The following PAPPA variants were observed in gnomAD, a reference collection of about 807,000 sequenced individuals.
PAPPA encodes the protein pappalysin-1.
PAPPA carries 60 observed loss-of-function variants against 164.0 expected under a neutral mutation model. The observed-to-expected ratio is 0.37, with a 90% CI of 0.30 to 0.45. PAPPA has a LOEUF of 0.45. Ranked by LOEUF, PAPPA falls within the 20% of genes least tolerant of loss-of-function variation. The pLI is 1.00. For synonymous variants in PAPPA, 875 were observed against 814.1 expected, an observed-to-expected ratio of 1.07 and a Z score of -1.27; for missense variants, 1,782 against 2,087.3, an observed-to-expected ratio of 0.85 and a Z score of 2.85.
chr9:116,183,668 T>G (rs992193049), intron 1 of PAPPA, among the ~76,000 whole-genome samples: 1 of 152,208 alleles, frequency 6.6e-6, no homozygotes, highest in Non-Finnish European at 1.5e-5. Context: ...CAGGTAAATA[T>G]TTCCCTCTGA....
At position 116,341,123 on chromosome 9, in the gene PAPPA, C is replaced by T. The variant is rs373039835; in HGVS notation, c.3612-3420C>T. Among the ~76,000 whole-genome samples, 13 of 152,124 alleles carry T rather than the reference C, an allele frequency of 8.5e-5. No homozygotes were observed. In the South Asian group the frequency reaches 2.7e-3, roughly 32 times the overall value. ...TGGTGTAATCTTGTCTCACTGCAACCTCTGCCCTCCAGATTCAAGTGATTC... is the reference window on the plus strand; with the variant it reads ...TGGTGTAATCTTGTCTCACTGCAACTTCTGCCCTCCAGATTCAAGTGATTC... On this transcript the variant is annotated intron_variant, in intron 13 of 21. Coordinates refer to ENST00000328252, the MANE Select transcript of PAPPA (RefSeq NM_002581.5).
intron 10 of PAPPA, among the ~76,000 whole-genome samples, chr9:116,325,076 G>A (rs998803110): frequency 2.0e-5 from 3 of 152,186 alleles, no homozygotes; most frequent in East Asian, 1.9e-4. Context: ...AAGACTGGTC[G>A]TTGGTGCCCT....
intron 2 of PAPPA, among the ~76,000 whole-genome samples, chr9:116,196,068 AG>A (rs1361408120): frequency 6.6e-6 from 1 of 152,134 alleles, no homozygotes; most frequent in Non-Finnish European, 1.5e-5. Context: ...GAAGCTGGGA[AG>A]CCAGGAGGGT....
intron 21 of PAPPA, among the ~76,000 whole-genome samples, chr9:116,388,829 T>C (rs1846851211): frequency 6.6e-6 from 1 of 152,176 alleles, no homozygotes; most frequent in South Asian, 2.1e-4. Context: ...TTCATGCAAC[T>C]ATGTGTAGGG....
intron 5 of PAPPA, 141 bp downstream of exon 5, chr9:116,220,270 T>C (rs937345639): frequency 9.4e-6 from 5 of 532,328 alleles, no homozygotes; most frequent in Non-Finnish European, 1.6e-5. Context: ...ACCTAGCATG[T>C]TGTAAATTTG....
At chr9:116,313,891 G>A (rs114258614) in intron 10 of PAPPA, among the ~76,000 whole-genome samples, 3 of 152,084 alleles carry the variant, frequency 2.0e-5, no homozygotes, top group South Asian at 2.1e-4. Flanking sequence ...TTGAGATCTC[G>A]AGCAACTTAA....
chr9:116,301,386 GATAGAAATCTTTATAAA>G (rs1164657028), intron 9 of PAPPA, among the ~76,000 whole-genome samples: 1 of 152,194 alleles, frequency 6.6e-6, no homozygotes, highest in African/African-American at 2.4e-5. Context: ...TAAGTGTTAA[GATAGAAATCTTTATAAA>G]ATAGGCACCC....
chr9:116,360,135 C>G (rs564843268), intron 17 of PAPPA, among the ~76,000 whole-genome samples: 1 of 152,342 alleles, frequency 6.6e-6, no homozygotes, highest in Admixed American at 6.5e-5. Flanking sequence ...GTGCTGAGGT[C>G]TGCAGCCCTT....
intron 18 of PAPPA, among the ~76,000 whole-genome samples, chr9:116,365,315 C>T (rs1846485332): frequency 6.6e-6 from 1 of 152,142 alleles, no homozygotes; most frequent in African/African-American, 2.4e-5. Flanking sequence ...GTTGCTGCTG[C>T]TGCCACCAGG....
chr9:116,345,666 A>T (rs891647210), intron 14 of PAPPA, among the ~76,000 whole-genome samples: 3 of 152,156 alleles, frequency 2.0e-5, no homozygotes, highest in Non-Finnish European at 2.9e-5. Flanking sequence ...ATGTGGGTGT[A>T]GCTTGGAGTC....
chr9:116,348,232 A>C (rs1429505430), intron 15 of PAPPA, among the ~76,000 whole-genome samples: 1 of 151,540 alleles, frequency 6.6e-6, no homozygotes, highest in African/African-American at 2.4e-5. Context: ...CTTGGTTGTC[A>C]GCATCATCTA....
At chr9:116,169,262 C>A (rs188028540) in intron 1 of PAPPA, among the ~76,000 whole-genome samples, 3 of 147,586 alleles carry the variant, frequency 2.0e-5, no homozygotes, top group Non-Finnish European at 4.4e-5. Flanking sequence ...TCTATGCCAG[C>A]TTTAAGTCCC....
chr9:116,156,320 G>GTATA (rs144537797), intron 1 of PAPPA, among the ~76,000 whole-genome samples: 57 of 137,564 alleles, frequency 4.1e-4, no homozygotes, highest in Non-Finnish European at 7.5e-4. Flanking sequence ...ATATATGTGT[G>GTATA]TATATATATA....
intron 6 of PAPPA, among the ~76,000 whole-genome samples, chr9:116,233,947 A>G (rs1844628879): frequency 6.6e-6 from 1 of 151,978 alleles, no homozygotes. Context: ...TCAGCTACTC[A>G]GGAGGCTGAG....
At position 116,367,668 on chromosome 9, in the gene PAPPA, C is replaced by A; in HGVS notation, c.4519C>A (p.Leu1507Met). ...AIGSECATSC[L>M]DHNSESIILP... ...AGGGTCGGAGTGTGCCACCTCGTGC[C>A]TGGACCACAACAGCGAGTCCATCAT... The change falls in exon 19 of 22, where the codon CTG (leucine) becomes ATG (methionine). Residue 1507 changes from leucine to methionine, a missense_variant. This residue lies in a region of PAPPA where 1,324 missense variants were observed against 1,656.9 expected (regional missense o/e 0.80). Transcript: ENST00000328252. The A allele has an allele frequency of 1.2e-6, 2 of 1,613,938 alleles. No homozygotes were observed. Among genetic ancestry groups the A allele is most frequent in the Non-Finnish European group, 1.7e-6 (2 of 1,179,896 alleles).
At chr9:116,367,185 T>A (rs1275163163) in intron 18 of PAPPA, among the ~76,000 whole-genome samples, 6 of 152,158 alleles carry the variant, frequency 3.9e-5, no homozygotes, top group Non-Finnish European at 8.8e-5. Flanking sequence ...GGAGATGGGA[T>A]GAACAAGAGA....
chr9:116,213,116 A>G (rs758568596), intron 4 of PAPPA, among the ~76,000 whole-genome samples: 25 of 152,238 alleles, frequency 1.6e-4, no homozygotes, highest in Non-Finnish European at 3.2e-4. Context: ...CTTCAGGGCA[A>G]CTGCCCTGGT....
Position 116,352,732 on chromosome 9 carries a change from G to A in PAPPA, c.3991G>A (p.Glu1331Lys). ...CAACAACAGCCTCCTGACCTGCATG[G>A]AGGATGGGCTGTGGTCCTTCCCAGA... Reference protein sequence around the residue: ...KGNNSLLTCMEDGLWSFPEAL... With the variant: ...KGNNSLLTCMKDGLWSFPEAL... Residue 1331 changes from glutamate (E) to lysine (K), a missense_variant, in exon 16 of 22, where the codon GAG becomes AAG. This residue lies in a region of PAPPA where 1,324 missense variants were observed against 1,656.9 expected (regional missense o/e 0.80). Coordinates refer to ENST00000328252, the MANE Select transcript of PAPPA (RefSeq NM_002581.5). The A allele has an allele frequency of 6.2e-7, 1 of 1,613,136 alleles. No individual in the cohort carries two copies. Among genetic ancestry groups the A allele is most frequent in the South Asian group, 1.1e-5 (1 of 91,028 alleles).
intron 13 of PAPPA, among the ~76,000 whole-genome samples, chr9:116,341,768 A>G (rs1846141081): frequency 5.9e-5 from 9 of 152,224 alleles, no homozygotes; most frequent in Non-Finnish European, 1.5e-5. Flanking sequence ...TGAATAGACG[A>G]ATCAGTGGAT....
Sources: gnomAD v4.1 joint callset for allele counts (sites outside exome capture counted in the v4.1 genomes callset) on GRCh38, gnomAD v4.1.1 for gene constraint, gnomAD v4.1.1 regional missense constraint, MANE v1.5 for transcripts, NCBI Gene and HGNC (gene_info 2026-07-23, HGNC 2026-07-21) for gene names.